The following RAB27A variants were observed in gnomAD, a reference collection of about 807,000 sequenced individuals.
The protein encoded by RAB27A is ras-related protein Rab-27A.
A neutral mutation model predicts 20.8 loss-of-function variants in RAB27A; 17 were observed. That is an observed-to-expected ratio of 0.82 (90% CI 0.56 to 1.23). RAB27A has a LOEUF of 1.23. RAB27A is among the 50% of genes most tolerant of loss of function. RAB27A has a pLI of 0.00. For missense variants in RAB27A, 277 were observed against 266.7 expected, an observed-to-expected ratio of 1.04 and a Z score of -0.27; for synonymous variants, 85 against 92.8, an observed-to-expected ratio of 0.92 and a Z score of 0.48.
chr15:55,253,317 G>C (rs1283876142), intron 2 of RAB27A, among the ~76,000 whole-genome samples: 2 of 149,184 alleles, frequency 1.3e-5, no homozygotes, highest in Non-Finnish European at 3.0e-5. Flanking sequence ...CACGGTGGCG[G>C]GTGCCTATAA....
rs1223333240 is a variant in RAB27A at position 55,231,622 on chromosome 15, A to G, written c.154-1136T>C. 4.6e-5 allele frequency among the ~76,000 whole-genome samples: 7 copies of G among 152,160 alleles called. No homozygotes were observed. The East Asian group carries it at 1.2e-3, about 25-fold the overall frequency. On this transcript the variant is annotated intron_variant, in intron 3 of 6. Coordinates refer to ENST00000336787, the MANE Select transcript of RAB27A (RefSeq NM_183235.3). Reference sequence around the variant, plus strand: ...TTTAGAAGACTTAAAAACCATGTGCACAAATGTGGTTGTTGTGAAAACATC... The same window carrying G: ...TTTAGAAGACTTAAAAACCATGTGCGCAAATGTGGTTGTTGTGAAAACATC...
chr15:55,291,665 G>A (rs867545159), upstream of RAB27A, among the ~76,000 whole-genome samples: 7 of 152,048 alleles, frequency 4.6e-5, no homozygotes, highest in Non-Finnish European at 7.3e-5. Flanking sequence ...GGGAAAGCCT[G>A]CCTTCAGCTT....
At chr15:55,270,500 TC>T (rs1897672655) in intron 1 of RAB27A, 1 of 152,176 alleles carries the variant, frequency 6.6e-6, no homozygotes, top group African/African-American at 2.4e-5. Context: ...AAGTTCCAGT[TC>T]GACTGGCCAC....
chr15:55,318,133 T>C (rs1465366379), intron 1 of RAB27A, among the ~76,000 whole-genome samples: 1 of 150,142 alleles, frequency 6.7e-6, no homozygotes, highest in East Asian at 2.0e-4. Context: ...AGTCTCGCTC[T>C]GTCGCCCAGG....
At chr15:55,276,417 T>C (rs943922992) in intron 1 of RAB27A, among the ~76,000 whole-genome samples, 1 of 152,070 alleles carries the variant, frequency 6.6e-6, no homozygotes, top group South Asian at 2.1e-4. Context: ...ATCTAAAATG[T>C]CAAACTCTCC....
intron 2 of RAB27A, among the ~76,000 whole-genome samples, chr15:55,304,939 C>A (rs918442696): frequency 1.1e-4 from 16 of 152,112 alleles, no homozygotes; most frequent in Non-Finnish European, 2.2e-4. Context: ...GGAGGGGACC[C>A]AAAGAGGGTA....
At chr15:55,258,360 T>C (rs1484699280) in intron 2 of RAB27A, among the ~76,000 whole-genome samples, 8 of 152,190 alleles carry the variant, frequency 5.3e-5, no homozygotes, top group Admixed American at 6.5e-5. Flanking sequence ...AGAAAATTGC[T>C]TTCCAACCTT....
intron 1 of RAB27A, among the ~76,000 whole-genome samples, chr15:55,275,023 G>A (rs1897824261): frequency 1.3e-5 from 2 of 151,578 alleles, no homozygotes; most frequent in African/African-American, 4.8e-5. Context: ...GGCCAAAGTA[G>A]GTGGATCACT....
intron 2 of RAB27A, among the ~76,000 whole-genome samples, chr15:55,266,519 G>A (rs1897491307): frequency 6.6e-6 from 1 of 152,124 alleles, no homozygotes; most frequent in Non-Finnish European, 1.5e-5. Context: ...GACTAGTATA[G>A]AAATTAAAGA....
chr15:55,215,651 C>CAAAAAAAAAAAAAAA (rs562538229), intron 6 of RAB27A, among the ~76,000 whole-genome samples: 20 of 76,522 alleles, frequency 2.6e-4, no homozygotes, highest in African/African-American at 4.2e-4. Context: ...GACTCCGTCT[C>CAAAAAAAAAAAAAAA]AAAAAAAAAA....
intron 6 of RAB27A, among the ~76,000 whole-genome samples, chr15:55,208,595 T>C (rs1894765733): frequency 6.6e-6 from 1 of 152,108 alleles, no homozygotes; most frequent in African/African-American, 2.4e-5. Context: ...ACACCGAAGT[T>C]CCAAGGAAGA....
In RAB27A at chr15:55,247,958, G is replaced by T. The variant is rs1174565098; in HGVS notation, c.-22-13002C>A. Among the ~76,000 whole-genome samples the T allele has an allele frequency of 7.4e-5, 10 of 135,570 alleles. No homozygotes were observed. In the East Asian group the frequency reaches 1.1e-3, roughly 14 times the overall value. The allele number at this position is 135,570 out of a possible 152,430, so 88.9% of individuals were successfully genotyped here. A position where few individuals can be genotyped will look rare whatever the true frequency, so the allele number is the denominator to read the frequency against. On this transcript the variant is annotated intron_variant, in intron 2 of 6. Coordinates refer to ENST00000336787, the MANE Select transcript of RAB27A (RefSeq NM_183235.3). Reference sequence around the variant, plus strand: ...ACCACTTTTTTTTTTTTTTTTTTGAGACTCTCACTCTGTGGCCCAGGCGTG... The same window carrying T: ...ACCACTTTTTTTTTTTTTTTTTTGATACTCTCACTCTGTGGCCCAGGCGTG...
chr15:55,276,388 C>T (rs1268682489), intron 1 of RAB27A, among the ~76,000 whole-genome samples: 1 of 152,062 alleles, frequency 6.6e-6, no homozygotes, highest in African/African-American at 2.4e-5. Flanking sequence ...TGTGATCTCC[C>T]ATATATTTAA....
intron 2 of RAB27A, among the ~76,000 whole-genome samples, chr15:55,298,005 G>A (rs767474415): frequency 4.6e-5 from 7 of 151,730 alleles, no homozygotes; most frequent in Non-Finnish European, 8.8e-5. Context: ...GATCGAGACC[G>A]TCCTGGCTAA....
intron 2 of RAB27A, among the ~76,000 whole-genome samples, chr15:55,295,895 A>G (rs898748454): frequency 2.0e-5 from 3 of 151,336 alleles, no homozygotes; most frequent in African/African-American, 4.9e-5. Flanking sequence ...TAAAAGAACC[A>G]ATACTTTTTT....
chr15:55,284,384 T>C (rs1351342303), intron 1 of RAB27A, among the ~76,000 whole-genome samples: 1 of 152,148 alleles, frequency 6.6e-6, no homozygotes, highest in Non-Finnish European at 1.5e-5. Context: ...CACTTAGTTG[T>C]TGTGGAATTA....
At chr15:55,279,405 A>G (rs573835846) in intron 1 of RAB27A, among the ~76,000 whole-genome samples, 1 of 152,320 alleles carries the variant, frequency 6.6e-6, no homozygotes, top group Admixed American at 6.5e-5. Flanking sequence ...CTGAATTAGG[A>G]TCTCTGCAAG....
At chr15:55,263,328 G>C (rs1374528572) in intron 2 of RAB27A, among the ~76,000 whole-genome samples, 1 of 151,984 alleles carries the variant, frequency 6.6e-6, no homozygotes, top group Non-Finnish European at 1.5e-5. Flanking sequence ...CCCAAAACCA[G>C]TCTTCAAATG....
At chr15:55,287,410 T>G (rs1048764399) in intron 1 of RAB27A, among the ~76,000 whole-genome samples, 3 of 152,172 alleles carry the variant, frequency 2.0e-5, no homozygotes, top group Admixed American at 1.3e-4. Context: ...CCCTTACATC[T>G]ATTTTAGAAC....
Sources: allele counts gnomAD v4.1 joint callset (sites outside exome capture counted in the v4.1 genomes callset), GRCh38; gene constraint gnomAD v4.1.1; transcripts MANE v1.5; gene names NCBI Gene and HGNC (gene_info 2026-07-23, HGNC 2026-07-21).